The following SMOC2 variants were observed in gnomAD, a reference collection of about 807,000 sequenced individuals.
SMOC2 encodes SPARC-related modular calcium-binding protein 2.
Under a neutral mutation model 61.4 loss-of-function variants are expected in SMOC2, and 39 were observed. The ratio of observed to expected loss-of-function variants is 0.64; its 90% confidence interval spans 0.49 to 0.83. SMOC2 has a LOEUF of 0.83. SMOC2 is among the 40% of genes least tolerant of loss of function. SMOC2 has a pLI of 0.00. For missense variants in SMOC2, 556 were observed against 592.9 expected, an observed-to-expected ratio of 0.94 and a Z score of 0.65; for synonymous variants, 247 against 239.9, an observed-to-expected ratio of 1.03 and a Z score of -0.27.
At chr6:168,488,176 T>C (rs1782380158) in intron 1 of SMOC2, among the ~76,000 whole-genome samples, 1 of 152,242 alleles carries the variant, frequency 6.6e-6, no homozygotes, top group Non-Finnish European at 1.5e-5. Context: ...AGGCCTGCAC[T>C]CTGGGTAAAA....
intron 9 of SMOC2, among the ~76,000 whole-genome samples, chr6:168,636,716 C>T (rs1786731544): frequency 1.3e-5 from 2 of 152,218 alleles, no homozygotes; most frequent in Non-Finnish European, 2.9e-5. Flanking sequence ...GGAATTGGCT[C>T]ACCTTGCTGT....
intron 1 of SMOC2, among the ~76,000 whole-genome samples, chr6:168,470,009 CTGTG>C (rs1360500766): frequency 6.6e-6 from 1 of 152,218 alleles, no homozygotes; most frequent in East Asian, 1.9e-4. Context: ...TTATAAGTGA[CTGTG>C]TGCTTCAGTG....
chr6:168,463,304 G>A (rs923092453), intron 1 of SMOC2, among the ~76,000 whole-genome samples: 3 of 152,182 alleles, frequency 2.0e-5, no homozygotes, highest in African/African-American at 7.2e-5. Context: ...GCGAAATCAA[G>A]GCGTTAGAAG....
At chr6:168,636,164 G>A (rs1220350790) in intron 9 of SMOC2, among the ~76,000 whole-genome samples, 4 of 152,168 alleles carry the variant, frequency 2.6e-5, no homozygotes, top group Non-Finnish European at 4.4e-5. Flanking sequence ...TTTCAACCCA[G>A]TATGTGATTC....
chr6:168,643,624 T>C (rs1786947872), intron 9 of SMOC2, among the ~76,000 whole-genome samples: 1 of 152,214 alleles, frequency 6.6e-6, no homozygotes, highest in Admixed American at 6.5e-5. Context: ...CCTTGTCTGC[T>C]GTTCCCGGCC....
At chr6:168,547,007 G>A (rs552191390) in intron 5 of SMOC2, 112 bp from the exon 6 acceptor site, 3 of 1,313,058 alleles carry the variant, frequency 2.3e-6, no homozygotes, top group South Asian at 2.4e-5. Context: ...TGCTGTTGTG[G>A]TTGATCTGTG....
chr6:168,451,180 C>T (rs990061791), intron 1 of SMOC2, among the ~76,000 whole-genome samples: 2 of 151,886 alleles, frequency 1.3e-5, no homozygotes, highest in East Asian at 3.9e-4. Context: ...TCCCTCGGGT[C>T]GCCCCTGCCT....
chr6:168,588,320 C>T (rs1785093336), intron 7 of SMOC2, among the ~76,000 whole-genome samples: 1 of 151,990 alleles, frequency 6.6e-6, no homozygotes, highest in Admixed American at 6.6e-5. Flanking sequence ...GACAGGGTTT[C>T]ACCATATTTG....
chr6:168,575,109 T>C (rs1304511806), intron 7 of SMOC2, among the ~76,000 whole-genome samples: 1 of 152,170 alleles, frequency 6.6e-6, no homozygotes, highest in Admixed American at 6.5e-5. Flanking sequence ...GAAAGGTTTG[T>C]GCGAAGCGCT....
chr6:168,556,259 G>T (rs933922102), intron 7 of SMOC2, among the ~76,000 whole-genome samples: 3 of 152,194 alleles, frequency 2.0e-5, no homozygotes, highest in African/African-American at 7.2e-5. Flanking sequence ...CTCTCCCCAC[G>T]CCCATACTCG....
intron 11 of SMOC2, among the ~76,000 whole-genome samples, chr6:168,657,846 T>G (rs926934810): frequency 1.3e-5 from 2 of 152,088 alleles, no homozygotes; most frequent in Non-Finnish European, 2.9e-5. Flanking sequence ...ATAATGGCAT[T>G]CACCTATTCG....
chr6:168,539,913 G>A (rs1783839747), intron 4 of SMOC2, among the ~76,000 whole-genome samples: 2 of 152,130 alleles, frequency 1.3e-5, no homozygotes, highest in African/African-American at 4.8e-5. Flanking sequence ...AGTGGCCCTG[G>A]GCCAGTTACT....
chr6:168,607,531 T>C (rs1165774356), intron 8 of SMOC2, among the ~76,000 whole-genome samples: 1 of 151,974 alleles, frequency 6.6e-6, no homozygotes, highest in Non-Finnish European at 1.5e-5. Flanking sequence ...CAGCCCTGTC[T>C]GTTCAGGACT....
chr6:168,574,065 G>A (rs547824374), intron 7 of SMOC2, among the ~76,000 whole-genome samples: 6 of 152,354 alleles, frequency 3.9e-5, no homozygotes, highest in African/African-American at 4.8e-5. Context: ...CCTAGAAGAC[G>A]AGGAAAAGAG....
At chr6:168,522,838 G>A (rs1171953916) in intron 2 of SMOC2, among the ~76,000 whole-genome samples, 1 of 152,182 alleles carries the variant, frequency 6.6e-6, no homozygotes, top group Non-Finnish European at 1.5e-5. Flanking sequence ...GCATTGATAG[G>A]AAATGCCCAG....
intron 12 of SMOC2, chr6:168,664,435 A>G (rs1458978326): frequency 5.1e-6 from 2 of 395,070 alleles, no homozygotes; most frequent in Non-Finnish European, 9.1e-6. Context: ...GGGTTCTGCC[A>G]TGTTGCCCAG....
chr6:168,582,539 A>C lies in SMOC2; in HGVS notation c.638-16279A>C, dbSNP rs1202777439. On this transcript the variant is annotated intron_variant, in intron 7 of 12. Coordinates refer to ENST00000356284, the MANE Select transcript of SMOC2 (RefSeq NM_001166412.2). ...CCCGAAATGCAGGCTGGGGTGGGGC[A>C]GAGCCGGAGAGAGTAAGCAGGAAAC... is the stretch of plus-strand genomic sequence containing the variant. Among the ~76,000 whole-genome samples, 5 of 152,286 alleles carry C rather than the reference A, an allele frequency of 3.3e-5. No homozygotes were observed. The East Asian group carries it at 5.8e-4, about 18-fold the overall frequency.
At chr6:168,507,952 C>T (rs911037718) in intron 1 of SMOC2, among the ~76,000 whole-genome samples, 4 of 152,218 alleles carry the variant, frequency 2.6e-5, no homozygotes, top group Non-Finnish European at 5.9e-5. Flanking sequence ...CACATCTGGG[C>T]AAGGCCACTG....
intron 8 of SMOC2, among the ~76,000 whole-genome samples, chr6:168,599,541 C>G (rs1785461072): frequency 7.5e-6 from 1 of 133,082 alleles, no homozygotes; most frequent in African/African-American, 2.9e-5. Context: ...CACACCCACT[C>G]ACACACACTC....
Sources: allele counts gnomAD v4.1 joint callset (sites outside exome capture counted in the v4.1 genomes callset), GRCh38; gene constraint gnomAD v4.1.1; transcripts MANE v1.5; gene names NCBI Gene and HGNC (gene_info 2026-07-23, HGNC 2026-07-21).